The following DCC variants were observed in gnomAD, a reference collection of about 807,000 sequenced individuals.
DCC encodes netrin receptor DCC.
In DCC, 58 loss-of-function variants were observed where a neutral mutation model predicts 172.5. The observed-to-expected ratio is 0.34, with a 90% CI of 0.27 to 0.42. DCC has a LOEUF of 0.42. DCC is among the 10% of genes least tolerant of loss of function. The pLI, the probability that DCC is intolerant of heterozygous loss-of-function variation, is 1.00. For missense variants in DCC, 1,740 were observed against 1,791.0 expected, an observed-to-expected ratio of 0.97 and a Z score of 0.51; for synonymous variants, 709 against 644.5, an observed-to-expected ratio of 1.10 and a Z score of -1.52.
At chr18:52,553,891 G>A (rs1230485249) in intron 1 of DCC, among the ~76,000 whole-genome samples, 1 of 152,042 alleles carries the variant, frequency 6.6e-6, no homozygotes. Context: ...GTCACACAGT[G>A]CCACATTACA....
rs73459259 is a variant in DCC at position 53,159,862 on chromosome 18, C to T, written c.1418+2350C>T. 1.8e-3 allele frequency among the ~76,000 whole-genome samples: 267 copies of T among 152,164 alleles called. 2 individuals carry two copies. The highest frequency in any genetic ancestry group is 6.3e-3 in the African/African-American group (263 of 41,498). ...GGAATAAAAGGAAGATAAATTCTACCTGTTAGCATTGCTATGAGGACTGAG... is the reference window on the plus strand; with the variant it reads ...GGAATAAAAGGAAGATAAATTCTACTTGTTAGCATTGCTATGAGGACTGAG... On this transcript the variant is annotated intron_variant, in intron 8 of 28. Transcript: ENST00000442544.
chr18:52,657,898 C>T (rs2035284565), intron 1 of DCC, among the ~76,000 whole-genome samples: 1 of 152,174 alleles, frequency 6.6e-6, no homozygotes, highest in South Asian at 2.1e-4. Flanking sequence ...TCTCAACTTT[C>T]ATGGTAAAAG....
At chr18:53,374,043 G>C (rs370883462) in intron 15 of DCC, among the ~76,000 whole-genome samples, 2 of 152,242 alleles carry the variant, frequency 1.3e-5, no homozygotes, top group African/African-American at 4.8e-5. Flanking sequence ...TTGTCCACAG[G>C]CTGTAGCAAC....
chr18:52,376,955 T>C (rs1305890093), intron 1 of DCC, among the ~76,000 whole-genome samples: 2 of 152,270 alleles, frequency 1.3e-5, no homozygotes, highest in Non-Finnish European at 2.9e-5. Context: ...GGTGGTCAGG[T>C]CAGACCTTCC....
intron 1 of DCC, among the ~76,000 whole-genome samples, chr18:52,644,405 C>T (rs1017622827): frequency 1.3e-5 from 2 of 151,948 alleles, no homozygotes; most frequent in East Asian, 1.9e-4. Context: ...GGTGAAACCC[C>T]GTCTCTACTA....
chr18:52,487,476 TG>T (rs1352319748), intron 1 of DCC, among the ~76,000 whole-genome samples: 1 of 152,038 alleles, frequency 6.6e-6, no homozygotes, highest in African/African-American at 2.4e-5. Context: ...ATGAAAAACT[TG>T]AAATAACGAA....
intron 14 of DCC, among the ~76,000 whole-genome samples, chr18:53,336,082 A>G (rs946689315): frequency 4.6e-5 from 7 of 152,166 alleles, no homozygotes; most frequent in African/African-American, 1.7e-4. Flanking sequence ...GGCTTCATTA[A>G]TTTAAATATT....
intron 25 of DCC, among the ~76,000 whole-genome samples, chr18:53,486,147 A>C (rs56060335): frequency 0.054 from 8,230 of 152,174 alleles, 655 homozygotes; most frequent in African/African-American, 0.17. Context: ...AACCTAGAAG[A>C]TATTTTGTAT....
intron 1 of DCC, among the ~76,000 whole-genome samples, chr18:52,498,342 G>A (rs1245602702): frequency 1.3e-5 from 2 of 152,106 alleles, no homozygotes; most frequent in Non-Finnish European, 2.9e-5. Flanking sequence ...GATGGATACT[G>A]GCCAGGCACA....
chr18:53,295,700 G>C (rs2057058280), intron 12 of DCC, among the ~76,000 whole-genome samples: 1 of 152,114 alleles, frequency 6.6e-6, no homozygotes, highest in East Asian at 1.9e-4. Flanking sequence ...TCCTCTGAGT[G>C]TTTCCATTTG....
chr18:52,561,189 G>A (rs1019959612), intron 1 of DCC, among the ~76,000 whole-genome samples: 1 of 151,586 alleles, frequency 6.6e-6, no homozygotes, highest in Non-Finnish European at 1.5e-5. Flanking sequence ...ATATTTTATT[G>A]GTGTGAATGC....
chr18:53,212,456 A>G (rs1353693493), intron 11 of DCC, among the ~76,000 whole-genome samples: 1 of 152,162 alleles, frequency 6.6e-6, no homozygotes, highest in Non-Finnish European at 1.5e-5. Flanking sequence ...ATGGAAATTG[A>G]TAGTGAGAAG....
intron 2 of DCC, among the ~76,000 whole-genome samples, chr18:52,849,835 G>A (rs2038948334): frequency 6.6e-6 from 1 of 152,110 alleles, no homozygotes; most frequent in Non-Finnish European, 1.5e-5. Flanking sequence ...TCACATTTAG[G>A]AGGCTTAGCA....
chr18:53,055,235 G>A (rs903787050), intron 5 of DCC, among the ~76,000 whole-genome samples: 3 of 152,120 alleles, frequency 2.0e-5, no homozygotes, highest in Admixed American at 6.6e-5. Flanking sequence ...TGCCACAATG[G>A]GATGAATTGC....
At chr18:52,535,436 C>T (rs184074881) in intron 1 of DCC, among the ~76,000 whole-genome samples, 1 of 152,254 alleles carries the variant, frequency 6.6e-6, no homozygotes, top group African/African-American at 2.4e-5. Flanking sequence ...CATTGTATCC[C>T]ATTTTGTATA....
At chr18:53,047,725 A>G (rs1362725505) in intron 5 of DCC, among the ~76,000 whole-genome samples, 3 of 151,540 alleles carry the variant, frequency 2.0e-5, no homozygotes, top group African/African-American at 7.3e-5. Flanking sequence ...TCTCTGAGGC[A>G]TAGTCCAGGT....
intron 1 of DCC, among the ~76,000 whole-genome samples, chr18:52,595,510 G>A (rs2033890590): frequency 6.6e-6 from 1 of 151,962 alleles, no homozygotes; most frequent in Non-Finnish European, 1.5e-5. Context: ...CATTTATTAT[G>A]CCTACTGCTC....
At chr18:52,707,293 A>G (rs758374334) in intron 1 of DCC, among the ~76,000 whole-genome samples, 13 of 152,352 alleles carry the variant, frequency 8.5e-5, no homozygotes, top group Non-Finnish European at 1.3e-4. Flanking sequence ...AAGGTGAGTT[A>G]TACTAAATAA....
At chr18:53,152,583 GA>G (rs5824991) in intron 7 of DCC, among the ~76,000 whole-genome samples, 92,646 of 151,400 alleles carry the variant, frequency 0.61, 29,088 homozygotes, top group South Asian at 0.75. Flanking sequence ...GTTCTTAAAA[GA>G]AAAAAAAAGA....
Sources: allele counts gnomAD v4.1 joint callset (sites outside exome capture counted in the v4.1 genomes callset), GRCh38; gene constraint gnomAD v4.1.1; transcripts MANE v1.5; gene names NCBI Gene and HGNC (gene_info 2026-07-23, HGNC 2026-07-21).